The following SNUPN variants were observed in gnomAD, a reference collection of about 807,000 sequenced individuals.
SNUPN encodes snurportin-1.
In SNUPN, 31 loss-of-function variants were observed where a neutral mutation model predicts 39.2. The ratio of observed to expected loss-of-function variants is 0.79; its 90% CI spans 0.59 to 1.07. The LOEUF is 1.07. Ranked by LOEUF, SNUPN falls within the 50% of genes least tolerant of loss-of-function variation. The probability of loss-of-function intolerance (pLI) is 0.00; values close to 1 mark genes in which losing one functional copy is unlikely to be tolerated. For synonymous variants in SNUPN, 132 were observed against 159.0 expected (o/e 0.83, Z 1.28); for missense variants, 382 against 434.2 (o/e 0.88, Z 1.07).
intron 1 of SNUPN, among the ~76,000 whole-genome samples, chr15:75,621,342 C>T (rs1410885057): frequency 6.7e-6 from 1 of 149,808 alleles, no homozygotes; most frequent in African/African-American, 2.5e-5. Context: ...CTCACTGTTG[C>T]CTCAATCTAC....
intron 8 of SNUPN, 157 bp downstream of exon 8, chr15:75,600,981 C>G (rs1196569094): frequency 1.6e-6 from 1 of 621,962 alleles, no homozygotes; most frequent in Non-Finnish European, 3.0e-6. Context: ...AGCTCAGGCT[C>G]TGAAGGGCAG....
At chr15:75,625,744 T>TC (rs1400886973), upstream of SNUPN, 1 of 134,170 alleles carries the variant, frequency 7.5e-6, no homozygotes. Flanking sequence ...AGGTCCGCCC[T>TC]CCCCCCGCCC....
At chr15:75,605,026 C>T (rs1187319898) in intron 7 of SNUPN, 124 bp downstream of exon 7, 6 of 650,880 alleles carry the variant, frequency 9.2e-6, no homozygotes, top group Admixed American at 5.3e-5. Flanking sequence ...ATGATTGATA[C>T]TCTTCCCTTT....
At chr15:75,608,756 C>T (rs531944312) in intron 5 of SNUPN, among the ~76,000 whole-genome samples, 7 of 152,298 alleles carry the variant, frequency 4.6e-5, no homozygotes, top group African/African-American at 1.2e-4. Flanking sequence ...CCTCATGGGG[C>T]TGCATTTATT....
intron 7 of SNUPN, among the ~76,000 whole-genome samples, chr15:75,603,312 G>A (rs577361485): frequency 1.3e-5 from 2 of 148,718 alleles, no homozygotes; most frequent in African/African-American, 5.0e-5. Flanking sequence ...CTCCCAAAGT[G>A]CTGGGATTAC....
chr15:75,607,236 G>A lies in SNUPN; in HGVS notation c.580C>T (p.His194Tyr). The change falls in exon 6 of 9, where the codon CAC becomes TAC. Residue 194 changes from histidine to tyrosine, a missense_variant. Coordinates refer to ENST00000308588, the MANE Select transcript of SNUPN (RefSeq NM_005701.4). Reference protein sequence around the residue: ...YVLDVMCWRGHPFYDCQTDFR... With the variant: ...YVLDVMCWRGYPFYDCQTDFR... ...CCTACCTGGCAATCATAAAAAGGGTGTCCCCGCCAGCACATCACATCCAGA... is the reference window on the plus strand; with the variant it reads ...CCTACCTGGCAATCATAAAAAGGGTATCCCCGCCAGCACATCACATCCAGA... 2 of 1,613,244 alleles carry A rather than the reference G, an allele frequency of 1.2e-6. No homozygotes were observed. Among genetic ancestry groups the A allele is most frequent in the Non-Finnish European group, 1.7e-6 (2 of 1,179,258 alleles).
intron 1 of SNUPN, chr15:75,622,306 G>C: frequency 2.0e-6 from 2 of 982,748 alleles, no homozygotes; most frequent in African/African-American, 1.7e-5. Flanking sequence ...TGGGTGGGCA[G>C]AAAGAAGGTT....
chr15:75,619,982 C>T (rs908372031), intron 2 of SNUPN, among the ~76,000 whole-genome samples: 6 of 152,154 alleles, frequency 3.9e-5, no homozygotes, highest in African/African-American at 4.8e-5. Context: ...CTCCTGACCT[C>T]AGGTGATCCA....
Position 75,607,940 on chromosome 15 carries a change from G to T in SNUPN, c.503-627C>A, listed in dbSNP as rs370453902. ...CATTTCAGACCCAAGTACTGATGTG[G>T]CATGAGCAAAGCCCCAGAGGCAGAA... On this transcript the variant is annotated intron_variant, in intron 5 of 8. Coordinates refer to ENST00000308588, the MANE Select transcript of SNUPN (RefSeq NM_005701.4). Among the ~76,000 whole-genome samples the T allele has an allele frequency of 3.3e-5, 5 of 152,308 alleles. No individual in the cohort carries two copies. In the South Asian group the frequency reaches 6.2e-4, roughly 19 times the overall value.
At chr15:75,625,846 A>T (rs116558454), upstream of SNUPN, 7 of 151,454 alleles carry the variant, frequency 4.6e-5, no homozygotes, top group Non-Finnish European at 8.8e-5. Flanking sequence ...TCCGTTGCCT[A>T]CAGGCCGTTA....
chr15:75,617,924 C>G (rs1023705056), intron 2 of SNUPN, among the ~76,000 whole-genome samples: 1 of 152,008 alleles, frequency 6.6e-6, no homozygotes. Context: ...CCCTATAATG[C>G]GACACATTTA....
At chr15:75,610,303 G>A (rs1232410005) in intron 3 of SNUPN, among the ~76,000 whole-genome samples, 7 of 151,536 alleles carry the variant, frequency 4.6e-5, no homozygotes, top group Admixed American at 4.6e-4. Flanking sequence ...GGAAGGCTGA[G>A]CCACGAGAAT....
chr15:75,605,476 T>C (rs2075324013), intron 6 of SNUPN: 1 of 324,106 alleles, frequency 3.1e-6, no homozygotes, highest in African/African-American at 2.2e-5. Flanking sequence ...AATTTTTGTA[T>C]TTTTGGTAGA....
intron 3 of SNUPN, among the ~76,000 whole-genome samples, chr15:75,616,109 G>T (rs2141374460): frequency 6.6e-6 from 1 of 151,930 alleles, no homozygotes; most frequent in South Asian, 2.1e-4. Flanking sequence ...TAAAGAAAGG[G>T]GCTGTGGGAG....
intron 6 of SNUPN, among the ~76,000 whole-genome samples, chr15:75,606,100 G>A (rs1284372258): frequency 6.6e-6 from 1 of 152,106 alleles, no homozygotes; most frequent in African/African-American, 2.4e-5. Flanking sequence ...AGCCCAGATC[G>A]CAGCACTGCA....
At chr15:75,624,141 A>T (rs1439339426) in intron 1 of SNUPN, among the ~76,000 whole-genome samples, 5 of 146,728 alleles carry the variant, frequency 3.4e-5, no homozygotes, top group African/African-American at 1.2e-4. Flanking sequence ...TTTAGCCGGG[A>T]TGGTCTCGAT....
intron 8 of SNUPN, among the ~76,000 whole-genome samples, chr15:75,599,455 G>A (rs981750883): frequency 3.3e-5 from 5 of 152,330 alleles, no homozygotes; most frequent in Non-Finnish European, 4.4e-5. Flanking sequence ...CAGAGGAACT[G>A]GACAGGCCCC....
chr15:75,598,605 G>T lies in SNUPN; in HGVS notation c.836C>A (p.Pro279His). The stretch of plus-strand genomic sequence containing the variant: ...ACCAAGGACATCTGACACCATGTAG[G>T]GGCGCAGCCAGCCCACCAAGGGAGT... ...GSTPLVGWLRPYMVSDVLGVA... is the reference protein window; with the variant it reads ...GSTPLVGWLRHYMVSDVLGVA... Residue 279 changes from proline (P) to histidine (H), a missense_variant, in exon 9 of 9, where the codon CCC becomes CAC. Pro to His is a moderately conservative substitution (Grantham distance 77). Coordinates refer to ENST00000308588, the MANE Select transcript of SNUPN (RefSeq NM_005701.4). 6.2e-7 allele frequency: 1 copy of T among 1,613,982 alleles called. No homozygotes were observed. Among genetic ancestry groups the T allele is most frequent in the Non-Finnish European group, 8.5e-7 (1 of 1,179,842 alleles).
intron 3 of SNUPN, among the ~76,000 whole-genome samples, chr15:75,613,322 T>A (rs1228937038): frequency 8.0e-6 from 1 of 124,714 alleles, no homozygotes; most frequent in African/African-American, 3.0e-5. Flanking sequence ...AAAGAAGATA[T>A]ACAAATGACC....
Sources: allele counts gnomAD v4.1 joint callset (sites outside exome capture counted in the v4.1 genomes callset), GRCh38; gene constraint gnomAD v4.1.1; transcripts MANE v1.5; gene names NCBI Gene and HGNC (gene_info 2026-07-23, HGNC 2026-07-21).